ACSS3: variants seen among roughly 807,000 people sequenced by gnomAD.
The protein encoded by ACSS3 is acyl-CoA synthetase short chain family member 3, also known as acyl-CoA synthetase short-chain family member 3, mitochondrial.
A neutral mutation model predicts 84.2 loss-of-function variants in ACSS3; 64 were observed. That is an observed-to-expected ratio of 0.76 (90% CI 0.62 to 0.94). The LOEUF is 0.94. Among genes scored for constraint, ACSS3 ranks in the 40% least tolerant of loss-of-function variants. The pLI is 0.00. For synonymous variants in ACSS3, 317 were observed against 310.1 expected, an observed-to-expected ratio of 1.02 and a Z score of -0.23; for missense variants, 815 against 867.6, an observed-to-expected ratio of 0.94 and a Z score of 0.76.
intron 13 of ACSS3, among the ~76,000 whole-genome samples, chr12:81,233,963 T>C (rs2033548949): frequency 6.6e-6 from 1 of 151,628 alleles, no homozygotes; most frequent in South Asian, 2.1e-4. Flanking sequence ...TACAATACTA[T>C]GAGTATTTAT....
intron 1 of ACSS3, among the ~76,000 whole-genome samples, chr12:81,080,446 A>G (rs1393009432): frequency 2.0e-5 from 3 of 151,964 alleles, no homozygotes; most frequent in Admixed American, 2.0e-4. Flanking sequence ...ATTTGATAAC[A>G]CCGTATCTGA....
chr12:81,177,498 A>G (rs1000985539), intron 8 of ACSS3, among the ~76,000 whole-genome samples: 2 of 152,210 alleles, frequency 1.3e-5, no homozygotes, highest in African/African-American at 4.8e-5. Context: ...CTGCACAGCA[A>G]AAGAAACTAC....
chr12:81,093,900 T>G (rs966939658), intron 1 of ACSS3, among the ~76,000 whole-genome samples: 1 of 152,194 alleles, frequency 6.6e-6, no homozygotes, highest in African/African-American at 2.4e-5. Context: ...ATTTCTGTTC[T>G]TATAGAGAAA....
intron 13 of ACSS3, among the ~76,000 whole-genome samples, chr12:81,238,031 C>T (rs996557326): frequency 6.6e-5 from 10 of 151,628 alleles, no homozygotes; most frequent in African/African-American, 2.2e-4. Flanking sequence ...GGAAGTTCCC[C>T]TCTATTCGTA....
chr12:81,248,450 A>G (rs1016380445), intron 13 of ACSS3, among the ~76,000 whole-genome samples: 6 of 152,068 alleles, frequency 3.9e-5, no homozygotes, highest in Admixed American at 3.9e-4. Flanking sequence ...GAAAGGATCC[A>G]GGCACAGAAA....
At chr12:81,147,130 C>A (rs1167204918) in intron 5 of ACSS3, among the ~76,000 whole-genome samples, 1 of 152,016 alleles carries the variant, frequency 6.6e-6, no homozygotes, top group African/African-American at 2.4e-5. Context: ...TTCAGATCGA[C>A]AAAAAAATTA....
intron 9 of ACSS3, among the ~76,000 whole-genome samples, chr12:81,201,130 T>C (rs1280809475): frequency 1.3e-5 from 2 of 152,168 alleles, no homozygotes; most frequent in African/African-American, 4.8e-5. Context: ...GAACAATCAA[T>C]GCTATGTGTA....
rs564123386 is a variant in ACSS3, at chr12:81,162,294, G to A, written c.1098+10198G>A. 1.1e-4 allele frequency among the ~76,000 whole-genome samples: 17 copies of A among 152,296 alleles called. No homozygotes were observed. The South Asian group carries it at 2.3e-3, about 20-fold the overall frequency. ...ACCTGGAGAGGGTAGCTCCTATCTG[G>A]AGGCAGGTCATCCCAATATCTGTGC... On this transcript the variant is annotated intron_variant, in intron 7 of 15. Transcript: ENST00000548058.
chr12:81,151,883 C>T lies in ACSS3; in HGVS notation c.961C>T (p.His321Tyr), dbSNP rs1199087326. 6.2e-7 allele frequency: 1 copy of T among 1,613,796 alleles called. No homozygotes were observed. The highest frequency in any genetic ancestry group is 8.5e-7 in the Non-Finnish European group (1 of 1,179,900). ...RPTGGYAVMLHWSMSSIYGLQ... is the reference protein window; with the variant it reads ...RPTGGYAVMLYWSMSSIYGLQ... The stretch of plus-strand genomic sequence containing the variant: ...CACTGGGGGATACGCTGTCATGCTA[C>T]ACTGGTCAATGTCTTCCATATACGG... Residue 321 changes from histidine to tyrosine, a missense_variant, in exon 6 of 16, where the codon CAC becomes TAC. Coordinates refer to ENST00000548058, the MANE Select transcript of ACSS3 (RefSeq NM_024560.4).
At chr12:81,117,183 A>G (rs1163984668) in intron 2 of ACSS3, among the ~76,000 whole-genome samples, 1 of 152,188 alleles carries the variant, frequency 6.6e-6, no homozygotes, top group Non-Finnish European at 1.5e-5. Context: ...GACTAGAATG[A>G]TCATGGTGTG....
chr12:81,237,198 A>T (rs1220630724), intron 13 of ACSS3, among the ~76,000 whole-genome samples: 2 of 151,558 alleles, frequency 1.3e-5, no homozygotes, highest in Admixed American at 1.3e-4. Flanking sequence ...CCAAGAAGAT[A>T]GTGAGCCAAT....
At chr12:81,229,079 A>G (rs540195344) in intron 11 of ACSS3, among the ~76,000 whole-genome samples, 222 of 151,778 alleles carry the variant, frequency 1.5e-3, no homozygotes, top group Non-Finnish European at 1.3e-3. Context: ...ATTTCCCTCA[A>G]TCCATCATAA....
intron 9 of ACSS3, among the ~76,000 whole-genome samples, chr12:81,216,411 A>G (rs372066637): frequency 6.6e-4 from 100 of 152,268 alleles, no homozygotes; most frequent in South Asian, 2.1e-3. Flanking sequence ...TTTTACATCA[A>G]TGTAATAATT....
intron 2 of ACSS3, among the ~76,000 whole-genome samples, chr12:81,132,064 T>G (rs1432075055): frequency 6.6e-6 from 1 of 152,236 alleles, no homozygotes; most frequent in African/African-American, 2.4e-5. Flanking sequence ...TCGATGTTCA[T>G]CAGGGATATT....
At chr12:81,094,256 A>G (rs1255232167) in intron 1 of ACSS3, 3 of 151,250 alleles carry the variant, frequency 2.0e-5, no homozygotes, top group African/African-American at 4.9e-5. Flanking sequence ...ATTTCAATGT[A>G]TATTATCCAG....
chr12:81,253,718 C>T, intron 15 of ACSS3, 48 bp downstream of exon 15: 1 of 1,571,146 alleles, frequency 6.4e-7, no homozygotes, highest in East Asian at 2.3e-5. Flanking sequence ...TATTTTTCTT[C>T]ATTTCTTTGG....
intron 9 of ACSS3, among the ~76,000 whole-genome samples, chr12:81,216,199 A>T (rs1306324728): frequency 6.7e-5 from 10 of 149,982 alleles, no homozygotes; most frequent in Admixed American, 6.0e-4. Flanking sequence ...TATTTTTATT[A>T]TTATTATACT....
intron 1 of ACSS3, among the ~76,000 whole-genome samples, chr12:81,097,189 A>C (rs1485046194): frequency 6.6e-6 from 1 of 152,208 alleles, no homozygotes; most frequent in Admixed American, 6.5e-5. Context: ...AAATTACTAG[A>C]CAGAGCTGCT....
intron 7 of ACSS3, among the ~76,000 whole-genome samples, chr12:81,155,737 T>C (rs1452728305): frequency 6.6e-6 from 1 of 152,226 alleles, no homozygotes. Flanking sequence ...ATATGTCATG[T>C]TGACTTATGT....
Sources: gnomAD v4.1 joint callset for allele counts (sites outside exome capture counted in the v4.1 genomes callset) on GRCh38, gnomAD v4.1.1 for gene constraint, MANE v1.5 for transcripts, NCBI Gene and HGNC (gene_info 2026-07-23, HGNC 2026-07-21) for gene names.